MYH11: variants seen among roughly 807,000 people sequenced by gnomAD.
The protein encoded by MYH11 is myosin heavy chain 11.
MYH11 carries 80 observed loss-of-function variants against 246.6 expected under a neutral mutation model. The ratio of observed to expected loss-of-function variants is 0.32; its 90% CI spans 0.27 to 0.39. The LOEUF (loss-of-function observed/expected upper bound fraction) is 0.39, where lower values mean the gene tolerates loss of function less well. MYH11 is among the 10% of genes least tolerant of loss of function. The pLI is 1.00. For missense variants in MYH11, 2,158 were observed against 2,546.8 expected, an observed-to-expected ratio of 0.85 and a Z score of 3.29; for synonymous variants, 1,071 against 1,015.5, an observed-to-expected ratio of 1.05 and a Z score of -1.04.
intron 37 of MYH11, chr16:15,717,969 G>A (rs2040254075): frequency 2.5e-6 from 1 of 397,810 alleles, no homozygotes; most frequent in Non-Finnish European, 4.8e-6. Flanking sequence ...AGTGCTCAGT[G>A]ACATCACCAA....
intron 40 of MYH11, among the ~76,000 whole-genome samples, chr16:15,709,713 G>C (rs2039671134): frequency 6.6e-6 from 1 of 152,210 alleles, no homozygotes; most frequent in South Asian, 2.1e-4. Context: ...GGAAGTAAAA[G>C]CATTTGAGCA....
At chr16:15,709,864 T>C (rs935652387) in intron 40 of MYH11, among the ~76,000 whole-genome samples, 4 of 152,148 alleles carry the variant, frequency 2.6e-5, no homozygotes, top group African/African-American at 7.2e-5. Context: ...GTGGAGGCCT[T>C]GTACAGCTCT....
chr16:15,817,982 C>T (rs143429536), intron 3 of MYH11, among the ~76,000 whole-genome samples: 470 of 152,318 alleles, frequency 3.1e-3, no homozygotes, highest in African/African-American at 0.011. Context: ...TCAACAAATA[C>T]TGAGCAGCTA....
chr16:15,813,736 G>A (rs924230316), intron 3 of MYH11, among the ~76,000 whole-genome samples: 12 of 151,226 alleles, frequency 7.9e-5, no homozygotes, highest in African/African-American at 2.9e-4. Context: ...CTCATGCCTG[G>A]AATCCCAGCT....
chr16:15,856,521 A>T (rs2151404212), intron 1 of MYH11, among the ~76,000 whole-genome samples: 1 of 152,200 alleles, frequency 6.6e-6, no homozygotes, highest in African/African-American at 2.4e-5. Context: ...GCCTAGAATA[A>T]AAGTGAGATG....
chr16:15,712,047 G>T (rs541132785), intron 40 of MYH11, among the ~76,000 whole-genome samples: 4 of 152,252 alleles, frequency 2.6e-5, no homozygotes, highest in South Asian at 4.1e-4. Flanking sequence ...GGGATGTGGG[G>T]TATAAAGGAG....
chr16:15,843,026 C>T (rs72773907), intron 1 of MYH11, among the ~76,000 whole-genome samples: 16 of 152,198 alleles, frequency 1.1e-4, no homozygotes, highest in Non-Finnish European at 2.2e-4. Flanking sequence ...AGAATTCCAG[C>T]GAATACATGC....
chr16:15,738,722 A>C, intron 23 of MYH11, 34 bp from the exon 24 acceptor site: 1 of 1,610,676 alleles, frequency 6.2e-7, no homozygotes, highest in South Asian at 1.1e-5. Context: ...TAGCTTTAGG[A>C]TTTTTCTTTT....
At chr16:15,724,569 C>G in intron 30 of MYH11, 78 bp downstream of exon 30, 1 of 1,610,230 alleles carries the variant, frequency 6.2e-7, no homozygotes, top group Non-Finnish European at 8.5e-7. Flanking sequence ...AACACTCCAC[C>G]GCGATCTGCC....
chr16:15,785,477 T>C (rs2042447598), intron 5 of MYH11: 1 of 151,772 alleles, frequency 6.6e-6, no homozygotes, highest in African/African-American at 2.4e-5. Context: ...ATCTTGAGTT[T>C]CCTGCATTTG....
chr16:15,745,015 G>A (rs964621182), intron 20 of MYH11, 114 bp downstream of exon 20: 20 of 811,524 alleles, frequency 2.5e-5, no homozygotes, highest in Middle Eastern at 4.5e-4. Flanking sequence ...GTCTGAGTTC[G>A]AGCCCTCCAT....
chr16:15,762,461 T>G (rs1004049550), intron 10 of MYH11, among the ~76,000 whole-genome samples: 7 of 152,130 alleles, frequency 4.6e-5, no homozygotes, highest in Non-Finnish European at 1.0e-4. Context: ...ATAACATCAC[T>G]ATTGTAAAAC....
intron 4 of MYH11, among the ~76,000 whole-genome samples, chr16:15,793,520 T>C (rs538811642): frequency 6.6e-6 from 1 of 152,206 alleles, no homozygotes; most frequent in East Asian, 1.9e-4. Flanking sequence ...CTCAAACTTC[T>C]GGCTTCCAGC....
intron 22 of MYH11, 94 bp downstream of exon 22, chr16:15,741,369 G>T (rs1163475461): frequency 1.3e-5 from 18 of 1,354,410 alleles, no homozygotes; most frequent in Middle Eastern, 2.3e-4. Flanking sequence ...ATCTGTCCCA[G>T]CAGGGACACA....
chr16:15,845,909 T>C (rs552074888), intron 1 of MYH11, among the ~76,000 whole-genome samples: 20 of 152,028 alleles, frequency 1.3e-4, no homozygotes, highest in Non-Finnish European at 2.6e-4. Context: ...TTGGCCAACA[T>C]TGTGAAACCC....
At position 15,724,089 on chromosome 16, in the gene MYH11, G is replaced by A. The variant is rs373780837; in HGVS notation, c.4365+72C>T. ...ATGCAGGCACAGGCCAGAGCCACGC[G>A]TCATACTCTGCAGAGCTGATTCCCC... is the stretch of plus-strand genomic sequence containing the variant. On this transcript the variant is annotated intron_variant, in intron 31 of 40. Transcript: ENST00000300036. 877 of 1,605,270 alleles carry A rather than the reference G, an allele frequency of 5.5e-4. 1 individual carries two copies. The highest frequency in any genetic ancestry group is 4.2e-4 in the Non-Finnish European group (499 of 1,179,450).
intron 3 of MYH11, among the ~76,000 whole-genome samples, chr16:15,809,268 A>C (rs9930809): frequency 0.057 from 8,614 of 152,230 alleles, 820 homozygotes; most frequent in African/African-American, 0.19. Flanking sequence ...GTGGTGGATC[A>C]CATCTGTAAT....
chr16:15,733,298 A>G (rs958435679), intron 26 of MYH11, among the ~76,000 whole-genome samples: 9 of 152,158 alleles, frequency 5.9e-5, no homozygotes, highest in African/African-American at 9.7e-5. Context: ...CGACAGCGCA[A>G]TCTTGGCCCC....
intron 10 of MYH11, 36 bp downstream of exon 10, chr16:15,763,760 C>CCCCCCCAA: frequency 8.4e-7 from 1 of 1,192,090 alleles, no homozygotes. Flanking sequence ...CCCCCAACCC[C>CCCCCCCAA]AAAGTCATTG....
Sources: allele counts gnomAD v4.1 joint callset (sites outside exome capture counted in the v4.1 genomes callset), GRCh38; gene constraint gnomAD v4.1.1; transcripts MANE v1.5; gene names NCBI Gene and HGNC (gene_info 2026-07-23, HGNC 2026-07-21).